The following NPC1 variants were observed in gnomAD, a reference collection of about 807,000 sequenced individuals.
The protein encoded by NPC1 is Niemann-Pick C1 protein.
NPC1 carries 85 observed loss-of-function variants against 140.4 expected under a neutral mutation model. The ratio of observed to expected loss-of-function variants is 0.61; its 90% CI spans 0.51 to 0.72. NPC1 has a LOEUF of 0.72. Ranked by LOEUF, NPC1 falls within the 30% of genes least tolerant of loss-of-function variation. The pLI, the probability that NPC1 is intolerant of heterozygous loss-of-function variation, is 0.00. For missense variants in NPC1, 1,504 were observed against 1,623.8 expected (o/e 0.93, Z 1.27); for synonymous variants, 656 against 624.8 (o/e 1.05, Z -0.74).
rs754162582 is a variant in NPC1 at position 23,545,173 on chromosome 18, A to AT, written c.1758-25dup. ...ACCTAAAAGGTAAGCAAAATGTTAT[A>AT]TTTTTAGTTAAACTAACTGACAGCT... is the stretch of plus-strand genomic sequence containing the variant. On this transcript the variant is annotated intron_variant, in intron 11 of 24. Coordinates refer to ENST00000269228, the MANE Select transcript of NPC1 (RefSeq NM_000271.5). 2.0e-6 allele frequency: 3 copies of AT among 1,535,104 alleles called. No individual in the cohort carries two copies. In the East Asian group the frequency reaches 6.7e-5, roughly 34 times the overall value.
At chr18:23,520,417 C>T (rs1567924717), downstream of NPC1, 2 of 908,106 alleles carry the variant, frequency 2.2e-6, no homozygotes, top group Non-Finnish European at 3.4e-6. Context: ...GAGGAATAAA[C>T]AGAGATTCCC....
chr18:23,529,950 C>T, downstream of NPC1: 1 of 1,335,466 alleles, frequency 7.5e-7, no homozygotes, highest in Non-Finnish European at 1.1e-6. Context: ...GTTAGAATAG[C>T]CAGTCCTTGG....
Position 23,543,406 on chromosome 18 carries a change from C to G in NPC1, c.2245+49G>C, listed in dbSNP as rs1200071981. ...TGTTCAGGTAGCCAGCTCCTTCTTT[C>G]TCCAGGCTCAGCAGACTACAGGACT... is the stretch of plus-strand genomic sequence containing the variant. On this transcript the variant is annotated intron_variant, in intron 14 of 24. Coordinates refer to ENST00000269228, the MANE Select transcript of NPC1 (RefSeq NM_000271.5). 13 of 1,035,690 alleles carry G rather than the reference C, an allele frequency of 1.3e-5. No individual in the cohort carries two copies. The African/African-American group carries it at 1.7e-4, about 14-fold the overall frequency. The allele number at this position is 1,035,690 out of a possible 1,614,324, so 64.2% of individuals were successfully genotyped here.
intron 4 of NPC1, among the ~76,000 whole-genome samples, chr18:23,566,227 CA>C (rs753773908): frequency 1.3e-5 from 2 of 151,340 alleles, no homozygotes; most frequent in Non-Finnish European, 2.9e-5. Context: ...CCTATCTCTA[CA>C]AAAAAAAATT....
In NPC1 at chr18:23,544,473, C is replaced by A. The variant is rs762100560; in HGVS notation, c.2001G>T (p.Ser667=). The change falls in exon 13 of 25, where the codon TCG becomes TCT. Residue 667 remains serine (S), a synonymous_variant. Coordinates refer to ENST00000269228, the MANE Select transcript of NPC1 (RefSeq NM_000271.5). ...GIAGILIVLS[S]VACSLGVFSY... Reference sequence around the variant, plus strand: ...TGAAGACACCCAAGGAGCAAGCCACCGAGCTCAGCACGATCAAGATGCCCG... The same window carrying A: ...TGAAGACACCCAAGGAGCAAGCCACAGAGCTCAGCACGATCAAGATGCCCG... 3 of 1,614,036 alleles carry A rather than the reference C, an allele frequency of 1.9e-6. No individual in the cohort carries two copies. Among genetic ancestry groups the A allele is most frequent in the Non-Finnish European group, 2.5e-6 (3 of 1,180,040 alleles).
At chr18:23,542,957 A>G (rs1299980489) in intron 14 of NPC1, among the ~76,000 whole-genome samples, 4 of 152,204 alleles carry the variant, frequency 2.6e-5, no homozygotes, top group African/African-American at 7.2e-5. Flanking sequence ...CACTTGCAAA[A>G]TCACACCTAA....
downstream of NPC1, chr18:23,530,309 G>A: frequency 1.9e-6 from 3 of 1,614,204 alleles, no homozygotes; most frequent in Non-Finnish European, 2.5e-6. Flanking sequence ...TAACTCTGAT[G>A]TGTGAGGTTT....
chr18:23,560,209 G>T (rs2059017899), intron 6 of NPC1, 22 bp downstream of exon 6: 1 of 1,613,692 alleles, frequency 6.2e-7, no homozygotes, highest in African/African-American at 1.3e-5. Context: ...TTTTGCCCTG[G>T]ATGACAAACA....
chr18:23,528,634 G>C (rs2058379987), downstream of NPC1: 1 of 153,350 alleles, frequency 6.5e-6, no homozygotes, highest in Non-Finnish European at 1.4e-5. Context: ...TACGCTGCCA[G>C]ACGTGAGGGA....
At chr18:23,514,780 AAAAAGTT>A (rs2057955884) in intron 3 of NPC1, among the ~76,000 whole-genome samples, 2 of 152,170 alleles carry the variant, frequency 1.3e-5, no homozygotes, top group Non-Finnish European at 2.9e-5. Context: ...ATCTTCAAGA[AAAAAGTT>A]AAAAAGAAAG....
At chr18:23,515,939 C>T (rs778767316) in intron 3 of NPC1, 8 of 1,614,046 alleles carry the variant, frequency 5.0e-6, no homozygotes, top group East Asian at 4.5e-5. Context: ...CCGAGAGCGC[C>T]GTGATCTTGC....
chr18:23,550,479 C>CTTTT lies in NPC1; in HGVS notation c.1654+1144_1654+1147dup, dbSNP rs68163205. 1.4e-3 allele frequency among the ~76,000 whole-genome samples: 108 copies of CTTTT among 74,946 alleles called. 11 individuals carry two copies. The highest frequency in any genetic ancestry group is 2.0e-3 in the African/African-American group (31 of 15,428). 49.2% of individuals were successfully genotyped at this position (74,946 alleles called of 152,430 possible). A position where few individuals can be genotyped will look rare whatever the true frequency, so the allele number is the denominator to read the frequency against. The stretch of plus-strand genomic sequence containing the variant: ...GAATTTTCTTCCAGTTCTTACATTT[C>CTTTT]TTTTTTTTTTTTTTTTTTTTGAGAT... On this transcript the variant is annotated intron_variant, in intron 10 of 24. Transcript: ENST00000269228.
intron 1 of NPC1, among the ~76,000 whole-genome samples, chr18:23,581,304 C>T (rs960920622): frequency 6.6e-6 from 1 of 152,176 alleles, no homozygotes; most frequent in African/African-American, 2.4e-5. Flanking sequence ...GGGGACGGAA[C>T]CAGGCCTTGA....
chr18:23,519,969 T>C (rs1264794444), downstream of NPC1, among the ~76,000 whole-genome samples: 1 of 152,176 alleles, frequency 6.6e-6, no homozygotes, highest in Non-Finnish European at 1.5e-5. Context: ...TTGAGTGAGC[T>C]CATCAAAGGA....
In NPC1 at chr18:23,539,373, G is replaced by A. The variant is rs786204586; in HGVS notation, c.2893C>T (p.Gln965Ter). The change falls in exon 19 of 25, where the codon CAG becomes TAG. Residue 965 changes from glutamine to a stop codon, truncating the protein, a stop_gained. Transcript: ENST00000269228. LOFTEE classifies it high-confidence loss of function. The stretch of plus-strand genomic sequence containing the variant: ...AAGGTACCTGAAGCATTGCAGAACT[G>A]GTCAGTGATATTGTCCACTCGACAG... ...SCCRVDNITDQFCNASVVDPA... is the reference protein window; with the variant it reads ...SCCRVDNITD 1 of 1,612,152 alleles carries A rather than the reference G, an allele frequency of 6.2e-7. No homozygotes were observed. The highest frequency in any genetic ancestry group is 1.7e-5 in the Admixed American group (1 of 59,986).
chr18:23,541,329 C>T lies in NPC1; in HGVS notation c.2350G>A (p.Gly784Arg), dbSNP rs1361268043. Reference protein sequence around the residue: ...LQITCFVSLLGLDIKRQEKNR... With the variant: ...LQITCFVSLLRLDIKRQEKNR... ...ACCTCTTGACGTTTAATGTCTAACCCCAAGAGACTCACGAAACAGGTAATC... is the reference window on the plus strand; with the variant it reads ...ACCTCTTGACGTTTAATGTCTAACCTCAAGAGACTCACGAAACAGGTAATC... Residue 784 changes from glycine to arginine, a missense_variant, in exon 15 of 25, where the codon GGG becomes AGG. Gly to Arg is a moderately radical substitution (Grantham distance 125, BLOSUM62 -2). Coordinates refer to ENST00000269228, the MANE Select transcript of NPC1 (RefSeq NM_000271.5). 2 of 1,614,068 alleles carry T rather than the reference C, an allele frequency of 1.2e-6. No individual in the cohort carries two copies. Among genetic ancestry groups the T allele is most frequent in the African/African-American group, 2.7e-5 (2 of 74,916 alleles).
At chr18:23,559,448 C>T (rs2059004162) in intron 6 of NPC1, among the ~76,000 whole-genome samples, 1 of 150,622 alleles carries the variant, frequency 6.6e-6, no homozygotes, top group Non-Finnish European at 1.5e-5. Context: ...CTATAGTACT[C>T]CATTTAATTA....
rs1313245183 is a variant in NPC1, at chr18:23,586,326, C to T, written c.18G>A (p.Leu6=). ...GTAGCAGCAGGAGGAGGCCAAGGGC[C>T]AGGCCGCGAGCGGTCATGCTGTGGC... MTARG[L]ALGLLLLLLC... The change falls in exon 1 of 25, where the codon CTG becomes CTA. Residue 6 remains leucine (L), a synonymous_variant. Transcript: ENST00000269228. 6.5e-7 allele frequency: 1 copy of T among 1,534,092 alleles called. No individual in the cohort carries two copies. Among genetic ancestry groups the T allele is most frequent in the Non-Finnish European group, 8.7e-7 (1 of 1,146,248 alleles).
At chr18:23,576,510 A>G in intron 1 of NPC1, 1 of 994,162 alleles carries the variant, frequency 1.0e-6, no homozygotes, top group Non-Finnish European at 1.2e-6. Context: ...AGGCTTAGGC[A>G]CTATTTTAAA....
Sources: allele counts gnomAD v4.1 joint callset (sites outside exome capture counted in the v4.1 genomes callset), GRCh38; gene constraint gnomAD v4.1.1; transcripts MANE v1.5; gene names NCBI Gene and HGNC (gene_info 2026-07-23, HGNC 2026-07-21).